The following TMEM132C variants were observed in gnomAD, a reference collection of about 807,000 sequenced individuals.
TMEM132C encodes the protein transmembrane protein 132C, also known as protein phosphatase 1, regulatory subunit 152.
A neutral mutation model predicts 61.4 loss-of-function variants in TMEM132C; 29 were observed. The observed-to-expected ratio is 0.47, with a 90% CI of 0.35 to 0.64. The LOEUF is 0.64. Ranked by LOEUF, TMEM132C falls within the 30% of genes least tolerant of loss-of-function variation. The probability of loss-of-function intolerance (pLI) is 0.00; values close to 1 mark genes in which losing one functional copy is unlikely to be tolerated. For missense variants in TMEM132C, 1,408 were observed against 1,476.9 expected (o/e 0.95, Z 0.76); for synonymous variants, 656 against 633.1 (o/e 1.04, Z -0.54).
Position 128,425,293 on chromosome 12 carries a change from C to G in TMEM132C, c.974+9673C>G, listed in dbSNP as rs1053400134. ...ACACCCCATCCCCTGCCCCTTGGCGCTCATCTGGGAGGGGCCGTAGTGAAT... is the reference window on the plus strand; with the variant it reads ...ACACCCCATCCCCTGCCCCTTGGCGGTCATCTGGGAGGGGCCGTAGTGAAT... On this transcript the variant is annotated intron_variant, in intron 2 of 8. Coordinates refer to ENST00000435159, the MANE Select transcript of TMEM132C (RefSeq NM_001136103.3). 1.5e-4 allele frequency among the ~76,000 whole-genome samples: 23 copies of G among 152,240 alleles called. 1 individual carries two copies. Among genetic ancestry groups the G allele is most frequent in the African/African-American group, 4.1e-4 (17 of 41,460 alleles).
chr12:128,561,397 T>C (rs1424749254), intron 3 of TMEM132C, among the ~76,000 whole-genome samples: 6 of 152,306 alleles, frequency 3.9e-5, no homozygotes, highest in African/African-American at 1.4e-4. Context: ...CCCTAAAAGC[T>C]TGAAAACGGA....
In TMEM132C at chr12:128,695,810, T is replaced by C. The variant is rs2135654714; in HGVS notation, c.1656-20T>C. The C allele has an allele frequency of 1.3e-6, 2 of 1,526,512 alleles. No individual in the cohort carries two copies. The highest frequency in any genetic ancestry group is 2.5e-5 in the East Asian group (1 of 40,638). The allele number at this position is 1,526,512 out of a possible 1,614,324, so 94.6% of individuals were successfully genotyped here. On this transcript the variant is annotated intron_variant, in intron 6 of 8. Transcript: ENST00000435159. ...GACTCCTCTCCCTGGATCTGAGAGC[T>C]CTTTGTCCCTTCCCACAAGGCCCAC...
chr12:128,522,155 G>A (rs1872926803), intron 2 of TMEM132C, among the ~76,000 whole-genome samples: 1 of 152,106 alleles, frequency 6.6e-6, no homozygotes, highest in Admixed American at 6.6e-5. Context: ...AGAACGCTGG[G>A]GTGTATGTTC....
intron 2 of TMEM132C, among the ~76,000 whole-genome samples, chr12:128,433,194 CAA>C: frequency 6.8e-6 from 1 of 147,556 alleles, no homozygotes; most frequent in East Asian, 2.0e-4. Context: ...CACTGGGAAA[CAA>C]AAAAAAAATG....
chr12:128,428,584 T>C (rs1355749787), intron 2 of TMEM132C, among the ~76,000 whole-genome samples: 2 of 152,170 alleles, frequency 1.3e-5, no homozygotes, highest in Non-Finnish European at 2.9e-5. Context: ...GGTAGATTAA[T>C]CCCACCAAAA....
At chr12:128,414,344 T>C (rs1013261699) in intron 1 of TMEM132C, among the ~76,000 whole-genome samples, 1 of 152,216 alleles carries the variant, frequency 6.6e-6, no homozygotes, top group African/African-American at 2.4e-5. Context: ...ACTTCATTCA[T>C]TGGCCTGTTT....
intron 3 of TMEM132C, among the ~76,000 whole-genome samples, chr12:128,604,406 AAGATAGAT>A (rs199758796): frequency 0.1 from 15,019 of 144,418 alleles, 1,121 homozygotes; most frequent in African/African-American, 0.2. Context: ...TAATGGATGG[AAGATAGAT>A]AGATAGATAG....
chr12:128,507,239 T>G (rs1018708493), intron 2 of TMEM132C, among the ~76,000 whole-genome samples: 7 of 152,140 alleles, frequency 4.6e-5, no homozygotes, highest in Non-Finnish European at 1.0e-4. Flanking sequence ...ATTCCATTAC[T>G]GCATACTTCA....
rs1954846698 is a variant in TMEM132C at position 128,707,018 on chromosome 12, AT to A, written c.*725del. The A allele has an allele frequency of 1.3e-5, 2 of 152,364 alleles. No individual in the cohort carries two copies. Among genetic ancestry groups the A allele is most frequent in the African/African-American group, 2.4e-5 (1 of 41,580 alleles). The allele number at this position is 152,364 out of a possible 1,614,324, so 9.4% of individuals were successfully genotyped here. A position where few individuals can be genotyped will look rare whatever the true frequency, so the allele number is the denominator to read the frequency against. ...AGATAGGTTCCTAGGAACAATGCCA[AT>A]TAATCCATTGTTTAAGTAGTAACTT... On this transcript the variant is annotated 3_prime_UTR_variant, in exon 9 of 9. Coordinates refer to ENST00000435159, the MANE Select transcript of TMEM132C (RefSeq NM_001136103.3).
At chr12:128,463,435 C>T (rs1266603272) in intron 2 of TMEM132C, among the ~76,000 whole-genome samples, 1 of 152,156 alleles carries the variant, frequency 6.6e-6, no homozygotes, top group Non-Finnish European at 1.5e-5. Context: ...TCTCCTGCCT[C>T]AGCCTCCCGA....
chr12:128,313,428 CT>C (rs1322267640), intron 1 of TMEM132C, among the ~76,000 whole-genome samples: 1 of 152,202 alleles, frequency 6.6e-6, no homozygotes, highest in Admixed American at 6.5e-5. Flanking sequence ...CGCCACCACC[CT>C]GAGGCAGACC....
intron 4 of TMEM132C, among the ~76,000 whole-genome samples, chr12:128,621,464 C>G (rs578166066): frequency 6.6e-6 from 1 of 152,122 alleles, no homozygotes; most frequent in African/African-American, 2.4e-5. Flanking sequence ...GATAGCACCC[C>G]GTAGCCAAGG....
chr12:128,623,979 CA>C (rs1174227507), intron 4 of TMEM132C, among the ~76,000 whole-genome samples: 1 of 152,156 alleles, frequency 6.6e-6, no homozygotes, highest in African/African-American at 2.4e-5. Flanking sequence ...CTTTCCAGGT[CA>C]ATTGGAGTTT....
chr12:128,398,771 G>T (rs1196960056), intron 1 of TMEM132C, among the ~76,000 whole-genome samples: 1 of 152,182 alleles, frequency 6.6e-6, no homozygotes, highest in Non-Finnish European at 1.5e-5. Context: ...TATATGATAT[G>T]CAGCACCCGG....
chr12:128,340,913 TC>T (rs1872953196), intron 1 of TMEM132C, among the ~76,000 whole-genome samples: 2 of 109,936 alleles, frequency 1.8e-5, no homozygotes, highest in Admixed American at 9.1e-5. Flanking sequence ...TTTCTCTCTC[TC>T]TTTCTCTCTC....
chr12:128,556,962 C>G (rs186059512), intron 3 of TMEM132C, among the ~76,000 whole-genome samples: 3 of 152,194 alleles, frequency 2.0e-5, no homozygotes. Flanking sequence ...TATACCACTA[C>G]GTTTTGGGGT....
In TMEM132C at chr12:128,621,018, G is replaced by A. The variant is rs1157185074; in HGVS notation, c.1305+4683G>A. 3.9e-5 allele frequency among the ~76,000 whole-genome samples: 6 copies of A among 152,142 alleles called. No individual in the cohort carries two copies. In the South Asian group the frequency reaches 8.3e-4, roughly 21 times the overall value. The stretch of plus-strand genomic sequence containing the variant: ...TCCTTGGAGACCCTGGATGAAGCAC[G>A]CCACTAGAAAGGATGATCAAGAAGG... On this transcript the variant is annotated intron_variant, in intron 4 of 8. Coordinates refer to ENST00000435159, the MANE Select transcript of TMEM132C (RefSeq NM_001136103.3).
chr12:128,328,726 G>T (rs1237774848), intron 1 of TMEM132C, among the ~76,000 whole-genome samples: 1 of 149,224 alleles, frequency 6.7e-6, no homozygotes, highest in Non-Finnish European at 1.5e-5. Flanking sequence ...GGTGGAGGTT[G>T]CAGTGAGCTG....
At chr12:128,348,556 G>A (rs1441261572) in intron 1 of TMEM132C, among the ~76,000 whole-genome samples, 1 of 152,216 alleles carries the variant, frequency 6.6e-6, no homozygotes, top group South Asian at 2.1e-4. Flanking sequence ...TATGATGGCA[G>A]CTGTGGTCCA....
Sources: allele counts gnomAD v4.1 joint callset (sites outside exome capture counted in the v4.1 genomes callset), GRCh38; gene constraint gnomAD v4.1.1; transcripts MANE v1.5; gene names NCBI Gene and HGNC (gene_info 2026-07-23, HGNC 2026-07-21).